KCNN3: variants seen among roughly 807,000 people sequenced by gnomAD.
The protein encoded by KCNN3 is potassium calcium-activated channel subfamily N member 3.
In KCNN3, 16 loss-of-function variants were observed where a neutral mutation model predicts 62.9. That is an observed-to-expected ratio of 0.25 (90% CI 0.17 to 0.39). The LOEUF (loss-of-function observed/expected upper bound fraction) is 0.39, where lower values mean the gene tolerates loss of function less well. Among genes scored for constraint, KCNN3 ranks in the 10% least tolerant of loss-of-function variants. KCNN3 has a pLI of 1.00. For synonymous variants in KCNN3, 370 were observed against 389.2 expected (o/e 0.95, Z 0.58); for missense variants, 599 against 949.4 (o/e 0.63, Z 4.85).
At chr1:154,754,451 C>T (rs535418543) in intron 3 of KCNN3, among the ~76,000 whole-genome samples, 46 of 152,264 alleles carry the variant, frequency 3.0e-4, no homozygotes, top group Admixed American at 5.9e-4. Flanking sequence ...TTAGTAAGAG[C>T]GCCCAGGAAG....
chr1:154,804,403 C>T (rs571115656), intron 2 of KCNN3, among the ~76,000 whole-genome samples: 5 of 152,358 alleles, frequency 3.3e-5, no homozygotes, highest in South Asian at 2.1e-4. Flanking sequence ...TATGCCTTCA[C>T]GACCATGGTG....
chr1:154,839,520 G>A (rs1225044837), intron 1 of KCNN3, among the ~76,000 whole-genome samples: 2 of 152,210 alleles, frequency 1.3e-5, no homozygotes, highest in African/African-American at 2.4e-5. Flanking sequence ...AGGGACGAAC[G>A]TGACCTGGGT....
chr1:154,858,158 C>T (rs1338712485), intron 1 of KCNN3, among the ~76,000 whole-genome samples: 4 of 152,194 alleles, frequency 2.6e-5, no homozygotes, highest in African/African-American at 9.7e-5. Flanking sequence ...CCATTACTCT[C>T]CCAGAGCAGG....
chr1:154,728,911 G>C (rs1376373301), intron 4 of KCNN3, among the ~76,000 whole-genome samples: 2 of 152,148 alleles, frequency 1.3e-5, no homozygotes, highest in Non-Finnish European at 2.9e-5. Context: ...TGAAGGAAGT[G>C]CCAAGGGATC....
chr1:154,839,583 ACGAAGGTTTGG>A (rs57888493), intron 1 of KCNN3, among the ~76,000 whole-genome samples: 91,188 of 151,790 alleles, frequency 0.6, 29,245 homozygotes, highest in East Asian at 0.96. Flanking sequence ...CACCTGGCTG[ACGAAGGTTTGG>A]CCCAGGCACA....
rs1017783349 is a variant in KCNN3 at position 154,698,256 on chromosome 1, A to C, written c.*9720T>G. ...TTTATGGGAAGGAAAGTAAGGGTACAGGGTTTTCAACTTGGGGAAATTCAT... is the reference window on the plus strand; with the variant it reads ...TTTATGGGAAGGAAAGTAAGGGTACCGGGTTTTCAACTTGGGGAAATTCAT... On this transcript the variant is annotated 3_prime_UTR_variant, in exon 8 of 8. Transcript: ENST00000271915. The C allele has an allele frequency of 6.6e-6, 1 of 152,188 alleles. No homozygotes were observed. The highest frequency in any genetic ancestry group is 1.5e-5 in the Non-Finnish European group (1 of 68,030). The allele number at this position is 152,188 out of a possible 1,614,324, so 9.4% of individuals were successfully genotyped here.
Position 154,734,717 on chromosome 1 carries a change from G to A in KCNN3, c.1449-1573C>T, listed in dbSNP as rs575628467. 2.6e-4 allele frequency among the ~76,000 whole-genome samples: 40 copies of A among 152,298 alleles called. 1 individual carries two copies. The highest frequency in any genetic ancestry group is 3.4e-3 in the Middle Eastern group (1 of 294). On this transcript the variant is annotated intron_variant, in intron 3 of 7. Coordinates refer to ENST00000271915, the MANE Select transcript of KCNN3 (RefSeq NM_002249.6). ...GGGAGCAGCAAGAGCATGGTATGACGGATACTGTGCATGTATTGAGCACCT... is the reference window on the plus strand; with the variant it reads ...GGGAGCAGCAAGAGCATGGTATGACAGATACTGTGCATGTATTGAGCACCT...
intron 7 of KCNN3, among the ~76,000 whole-genome samples, chr1:154,711,510 A>T (rs1700074859): frequency 6.6e-6 from 1 of 151,998 alleles, no homozygotes; most frequent in Admixed American, 6.6e-5. Flanking sequence ...AAAACTAAAA[A>T]AAAAAAAAAG....
chr1:154,866,168 G>C (rs969826962), intron 1 of KCNN3, among the ~76,000 whole-genome samples: 8 of 152,018 alleles, frequency 5.3e-5, no homozygotes, highest in Non-Finnish European at 1.5e-5. Flanking sequence ...TCTCTAGTCA[G>C]ACCCAGTCCC....
intron 7 of KCNN3, 28 bp downstream of exon 7, chr1:154,713,436 G>C (rs755577422): frequency 4.4e-6 from 7 of 1,583,346 alleles, no homozygotes; most frequent in Non-Finnish European, 5.2e-6. Flanking sequence ...GCGTGTTCTA[G>C]GGGATGTCTC....
intron 2 of KCNN3, among the ~76,000 whole-genome samples, chr1:154,789,625 A>G (rs2101860640): frequency 6.6e-6 from 1 of 152,280 alleles, no homozygotes; most frequent in African/African-American, 2.4e-5. Flanking sequence ...GACAGGAACC[A>G]AGAAGTGAAT....
intron 1 of KCNN3, among the ~76,000 whole-genome samples, chr1:154,863,511 C>T (rs550358660): frequency 2.0e-4 from 31 of 152,270 alleles, no homozygotes; most frequent in South Asian, 4.2e-4. Context: ...TCACAACCCC[C>T]GCACACACTC....
intron 2 of KCNN3, among the ~76,000 whole-genome samples, chr1:154,812,701 A>G (rs1260639855): frequency 6.6e-6 from 1 of 152,184 alleles, no homozygotes; most frequent in Admixed American, 6.5e-5. Flanking sequence ...CTGTCTGACC[A>G]GCTCCTGTGT....
At position 154,708,003 on chromosome 1, in the gene KCNN3, G is replaced by A. The variant is rs769754241; in HGVS notation, c.2169C>T (p.Thr723=). ...AGCAACTGCTTGAACTTGTGTACGG[G>A]GTCGGGAAGGAGGTGGAGCTGACCC... ...PIGVSSTSFP[T]PYTSSSSC is the part of the protein sequence containing the mutation. Residue 723 remains threonine (T), a synonymous_variant, in exon 8 of 8, where the codon ACC becomes ACT. Coordinates refer to ENST00000271915, the MANE Select transcript of KCNN3 (RefSeq NM_002249.6). 2.5e-6 allele frequency: 4 copies of A among 1,613,588 alleles called. No individual in the cohort carries two copies. Among genetic ancestry groups the A allele is most frequent in the Middle Eastern group, 1.7e-4 (1 of 6,060 alleles).
intron 2 of KCNN3, among the ~76,000 whole-genome samples, chr1:154,788,323 A>T (rs529068444): frequency 6.6e-6 from 1 of 152,184 alleles, no homozygotes. Context: ...GAAGCACCAT[A>T]CAAAGTGGTT....
intron 3 of KCNN3, among the ~76,000 whole-genome samples, chr1:154,735,771 C>A (rs1482758385): frequency 2.6e-5 from 4 of 152,208 alleles, no homozygotes; most frequent in African/African-American, 4.8e-5. Context: ...CCCTTCCCAG[C>A]AGGTTGCTTT....
chr1:154,841,724 G>C (rs149343393), intron 1 of KCNN3, among the ~76,000 whole-genome samples: 11 of 152,100 alleles, frequency 7.2e-5, no homozygotes, highest in Admixed American at 6.5e-4. Context: ...CCCCATCCCC[G>C]AATGAGAGCA....
chr1:154,794,019 T>C (rs17719287), intron 2 of KCNN3, among the ~76,000 whole-genome samples: 9,203 of 152,318 alleles, frequency 0.06, 318 homozygotes, highest in Non-Finnish European at 0.082. Context: ...TGGTTTCCTG[T>C]TGTGCGTAGA....
intron 3 of KCNN3, among the ~76,000 whole-genome samples, chr1:154,734,972 G>A (rs1468670593): frequency 2.3e-5 from 3 of 129,272 alleles, no homozygotes; most frequent in African/African-American, 8.0e-5. Flanking sequence ...GAGCACCTGG[G>A]CTCCAGTAGC....
Sources: allele counts gnomAD v4.1 joint callset (sites outside exome capture counted in the v4.1 genomes callset), GRCh38; gene constraint gnomAD v4.1.1; transcripts MANE v1.5; gene names NCBI Gene and HGNC (gene_info 2026-07-23, HGNC 2026-07-21).